Variants in FAM47E observed in about 807,000 individuals in gnomAD.
FAM47E encodes protein FAM47E.
Under a neutral mutation model 41.6 loss-of-function variants are expected in FAM47E, and 32 were observed. That is an observed-to-expected ratio of 0.77 (90% confidence interval 0.58 to 1.03). The LOEUF (loss-of-function observed/expected upper bound fraction) is 1.03. Among genes scored for constraint, FAM47E ranks in the 50% least tolerant of loss-of-function variants. The pLI is 0.00. For missense variants in FAM47E, 424 were observed against 485.4 expected, an observed-to-expected ratio of 0.87 and a Z score of 1.19; for synonymous variants, 184 against 188.7, an observed-to-expected ratio of 0.98 and a Z score of 0.20.
chr4:76,217,479 G>C (rs1733228085), intron 1 of FAM47E: 2 of 408,592 alleles, frequency 4.9e-6, no homozygotes, highest in East Asian at 7.0e-5. Context: ...AGTTGTCAGA[G>C]AGCGGGTTGT....
At chr4:76,254,129 A>G (rs75356235) in intron 1 of FAM47E, among the ~76,000 whole-genome samples, 3 of 6,680 alleles carry the variant, frequency 4.5e-4, no homozygotes, top group Admixed American at 2.1e-3. Context: ...CCCTGTCTTG[A>G]AAAAAAAAAA....
intron 3 of FAM47E, 37 bp downstream of exon 3, chr4:76,263,880 A>G: frequency 1.3e-6 from 2 of 1,541,012 alleles, no homozygotes; most frequent in Non-Finnish European, 1.8e-6. Flanking sequence ...CATTGCTGTC[A>G]CCTGATGAAA....
chr4:76,221,697 C>T (rs938687665), intron 2 of FAM47E, among the ~76,000 whole-genome samples: 1 of 152,184 alleles, frequency 6.6e-6, no homozygotes, highest in Non-Finnish European at 1.5e-5. Flanking sequence ...AGCTAAAGAG[C>T]TAAGCATCAA....
intron 2 of FAM47E, among the ~76,000 whole-genome samples, chr4:76,246,674 C>T (rs1007143763): frequency 2.6e-5 from 4 of 152,014 alleles, no homozygotes; most frequent in Middle Eastern, 3.2e-3. Flanking sequence ...AGCAGACTCC[C>T]TCATGCCTTC....
In FAM47E at chr4:76,226,838, A is replaced by T. The variant is rs1251593686; in HGVS notation, c.81+9150A>T. Among the ~76,000 whole-genome samples the T allele has an allele frequency of 2.0e-5, 3 of 152,106 alleles. No homozygotes were observed. In the East Asian group the frequency reaches 5.8e-4, roughly 29 times the overall value. ...AAGATGTTCATAGTGACCTTAAATG[A>T]TCTTTTGTATTTCTGTGATATTGGT... On this transcript the variant is annotated intron_variant, in intron 2 of 7. Coordinates refer to the FAM47E transcript ENST00000510197.
At position 76,221,669 on chromosome 4, in the gene FAM47E, C is replaced by T. The variant is rs114203870; in HGVS notation, c.81+3981C>T. On this transcript the variant is annotated intron_variant, in intron 2 of 7. Coordinates refer to the FAM47E transcript ENST00000510197. ...TACTGCAAAAACAGAGAAAAAATAC[C>T]GCATGTTATCACTTATTAGCTAAAG... 5.9e-3 allele frequency among the ~76,000 whole-genome samples: 895 copies of T among 152,258 alleles called. 8 individuals are homozygous for T. Among genetic ancestry groups the T allele is most frequent in the African/African-American group, 0.02 (823 of 41,536 alleles).
At chr4:76,255,349 A>G (rs1421552632) in intron 1 of FAM47E, among the ~76,000 whole-genome samples, 3 of 152,180 alleles carry the variant, frequency 2.0e-5, no homozygotes, top group Non-Finnish European at 4.4e-5. Flanking sequence ...TGAGATTTAA[A>G]TATGCTCGTA....
At chr4:76,274,903 C>A (rs755590337) in intron 5 of FAM47E, among the ~76,000 whole-genome samples, 4 of 152,174 alleles carry the variant, frequency 2.6e-5, no homozygotes, top group Non-Finnish European at 5.9e-5. Flanking sequence ...TCTGTCTGGA[C>A]TCTCGGTCCT....
At chr4:76,226,807 G>T (rs1733406195) in intron 2 of FAM47E, among the ~76,000 whole-genome samples, 1 of 152,094 alleles carries the variant, frequency 6.6e-6, no homozygotes, top group African/African-American at 2.4e-5. Flanking sequence ...TAGTTTGTGT[G>T]AATAAAAGAT....
At chr4:76,230,050 T>G (rs4859635) in intron 2 of FAM47E, among the ~76,000 whole-genome samples, 1 of 151,948 alleles carries the variant, frequency 6.6e-6, no homozygotes, top group Non-Finnish European at 1.5e-5. Context: ...GGCCAGGATA[T>G]GTATTTGGGT....
At chr4:76,227,950 GC>G (rs1166384903) in intron 2 of FAM47E, among the ~76,000 whole-genome samples, 3 of 152,168 alleles carry the variant, frequency 2.0e-5, no homozygotes, top group African/African-American at 7.2e-5. Context: ...CTTGAAGACA[GC>G]AGATACCTGG....
At chr4:76,251,003 C>G (rs1733947019), upstream of FAM47E, among the ~76,000 whole-genome samples, 1 of 152,114 alleles carries the variant, frequency 6.6e-6, no homozygotes, top group Non-Finnish European at 1.5e-5. Flanking sequence ...AATGTAAGTA[C>G]CCTGCCCCCA....
At chr4:76,241,650 C>A (rs926046868) in intron 2 of FAM47E, among the ~76,000 whole-genome samples, 5 of 152,090 alleles carry the variant, frequency 3.3e-5, no homozygotes, top group African/African-American at 1.2e-4. Context: ...TTTCAATAGA[C>A]CCCAAAGTTT....
At chr4:76,247,676 T>C (rs1733856423), upstream of FAM47E, among the ~76,000 whole-genome samples, 1 of 152,176 alleles carries the variant, frequency 6.6e-6, no homozygotes, top group Non-Finnish European at 1.5e-5. Context: ...TGGTTTTGAT[T>C]TGCATTTCCT....
intron 2 of FAM47E, among the ~76,000 whole-genome samples, chr4:76,243,683 C>T (rs945862238): frequency 4.6e-5 from 7 of 152,172 alleles, no homozygotes; most frequent in Non-Finnish European, 2.9e-5. Context: ...CCTCTGCCCT[C>T]TCCATAGGCA....
intron 1 of FAM47E, among the ~76,000 whole-genome samples, chr4:76,254,483 G>C (rs956374969): frequency 6.6e-6 from 1 of 152,156 alleles, no homozygotes; most frequent in Non-Finnish European, 1.5e-5. Flanking sequence ...TAAATGCAGA[G>C]AGTAACTTTT....
intron 2 of FAM47E, among the ~76,000 whole-genome samples, chr4:76,224,381 A>G (rs1043681970): frequency 6.6e-6 from 1 of 152,270 alleles, no homozygotes; most frequent in African/African-American, 2.4e-5. Context: ...GCCCTCCCAC[A>G]GAAATGGAGA....
In FAM47E at chr4:76,214,943, A is replaced by G. The variant is rs145531218; in HGVS notation, c.-30+519A>G. Among the ~76,000 whole-genome samples the G allele has an allele frequency of 4.1e-4, 62 of 152,336 alleles. No homozygotes were observed. The East Asian group carries it at 9.1e-3, about 22-fold the overall frequency. ...AAGGAAGGAAGGTTGGGTGGAAGGA[A>G]GCATTTGATATATATACAGTCCATG... On this transcript the variant is annotated intron_variant, in intron 1 of 7. Coordinates refer to the FAM47E transcript ENST00000510197.
intron 2 of FAM47E, among the ~76,000 whole-genome samples, chr4:76,219,281 A>G (rs1386052169): frequency 6.6e-6 from 1 of 152,216 alleles, no homozygotes; most frequent in Non-Finnish European, 1.5e-5. Context: ...TTGAACTAGA[A>G]TGGAGAGCCA....
Sources: gnomAD v4.1 joint callset for allele counts (sites outside exome capture counted in the v4.1 genomes callset) on GRCh38, gnomAD v4.1.1 for gene constraint, MANE v1.5 for transcripts, NCBI Gene and HGNC (gene_info 2026-07-23, HGNC 2026-07-21) for gene names.